SLC29A4: variants seen among roughly 807,000 people sequenced by gnomAD.
SLC29A4 encodes solute carrier family 29 member 4, also known as equilibrative nucleoside transporter 4.
SLC29A4 carries 36 observed loss-of-function variants against 43.9 expected under a neutral mutation model. The observed-to-expected ratio is 0.82, with a 90% confidence interval of 0.63 to 1.08. SLC29A4 has a LOEUF of 1.08. Ranked by LOEUF, SLC29A4 falls within the 50% of genes least tolerant of loss-of-function variation. The pLI is 0.00. For missense variants in SLC29A4, 869 were observed against 755.3 expected (o/e 1.15, Z -1.77); for synonymous variants, 491 against 338.0 (o/e 1.45, Z -4.97).
chr7:5,289,916 C>T (rs1207323986), intron 2 of SLC29A4, among the ~76,000 whole-genome samples: 2 of 152,122 alleles, frequency 1.3e-5, no homozygotes, highest in South Asian at 2.1e-4. Flanking sequence ...AAAACAGTCT[C>T]GTGCTCTTGC....
At chr7:5,292,003 G>A (rs972848923) in intron 5 of SLC29A4, among the ~76,000 whole-genome samples, 182 bp downstream of exon 5, 2 of 152,252 alleles carry the variant, frequency 1.3e-5, no homozygotes, top group African/African-American at 2.4e-5. Flanking sequence ...CCTGTGTAGT[G>A]TGTCTGCAGT....
At chr7:5,292,919 G>A (rs1297469218) in intron 5 of SLC29A4, among the ~76,000 whole-genome samples, 7 of 151,130 alleles carry the variant, frequency 4.6e-5, no homozygotes, top group East Asian at 3.9e-4. Flanking sequence ...GGCTGATTAC[G>A]AACTCCTGAC....
rs1041894319 is a variant in SLC29A4, at chr7:5,298,070, G to A, written c.882+872G>A. Among the ~76,000 whole-genome samples, 18 of 152,298 alleles carry A rather than the reference G, an allele frequency of 1.2e-4. No individual in the cohort carries two copies. In the South Asian group the frequency reaches 1.7e-3, roughly 14 times the overall value. On this transcript the variant is annotated intron_variant, in intron 7 of 10. Transcript: ENST00000396872. ...CAGGAGTGCCAGGCCATGCAGAGGC[G>A]GGGCGAGGGAGCCATTGGTCCTCGT...
chr7:5,293,138 CTTTGTAGACT>C, intron 5 of SLC29A4, among the ~76,000 whole-genome samples: 1 of 148,982 alleles, frequency 6.7e-6, no homozygotes, highest in South Asian at 2.1e-4. Flanking sequence ...CCAGGCCAGG[CTTTGTAGACT>C]TTCTTTTTTT....
intron 9 of SLC29A4, among the ~76,000 whole-genome samples, chr7:5,300,157 G>A (rs570045119): frequency 3.9e-5 from 6 of 152,214 alleles, no homozygotes; most frequent in South Asian, 2.1e-4. Context: ...GCTTGAGCCC[G>A]GGAGTTTGAG....
At position 5,303,134 on chromosome 7, in the gene SLC29A4, C is replaced by T. The variant is rs1042106292; in HGVS notation, c.*195C>T. 2.3e-5 allele frequency: 15 copies of T among 661,724 alleles called. No homozygotes were observed. Among genetic ancestry groups the T allele is most frequent in the African/African-American group, 3.6e-5 (2 of 54,796 alleles). 41.0% of individuals were successfully genotyped at this position (661,724 alleles called of 1,614,324 possible). On this transcript the variant is annotated 3_prime_UTR_variant, in exon 11 of 11. Transcript: ENST00000396872. ...GCAAAGTCCTCCGAGGACCGGAACACGTTTCTGCGACCCGGGGCTCTGGCC... is the reference window on the plus strand; with the variant it reads ...GCAAAGTCCTCCGAGGACCGGAACATGTTTCTGCGACCCGGGGCTCTGGCC...
chr7:5,306,182 G>A lies in SLC29A4; in HGVS notation c.*3243G>A, dbSNP rs375249484. ...TTTTAATTTTTTCTCATGTAAATTT[G>A]TTCAATTTCTTTTTTTTTTTTTTTT... On this transcript the variant is annotated 3_prime_UTR_variant, in exon 11 of 11. Transcript: ENST00000396872. The A allele has an allele frequency of 2.7e-5, 3 of 112,818 alleles. No homozygotes were observed. Among genetic ancestry groups the A allele is most frequent in the Admixed American group, 9.4e-5 (1 of 10,676 alleles). 7.0% of individuals were successfully genotyped at this position (112,818 alleles called of 1,614,324 possible).
intron 7 of SLC29A4, 27 bp downstream of exon 7, chr7:5,297,225 C>G (rs1454545268): frequency 3.1e-6 from 1 of 320,916 alleles, no homozygotes; most frequent in African/African-American, 9.5e-5. Flanking sequence ...CACCTCTGTT[C>G]CCTTCTCTGT....
chr7:5,287,430 A>AC (rs113621417), intron 1 of SLC29A4, among the ~76,000 whole-genome samples: 12 of 150,860 alleles, frequency 8.0e-5, no homozygotes, highest in African/African-American at 3.0e-4. Context: ...AAAAAAAAAA[A>AC]AAGAAAAAAA....
At chr7:5,297,291 C>A (rs1191243491) in intron 7 of SLC29A4, 93 bp downstream of exon 7, 9 of 1,378,376 alleles carry the variant, frequency 6.5e-6, no homozygotes, top group Non-Finnish European at 8.6e-6. Flanking sequence ...AGCCTCTCAC[C>A]TGCATCCCAG....
rs1455085820 is a variant in SLC29A4 at position 5,290,871 on chromosome 7, C to T, written c.301+8C>T. The T allele has an allele frequency of 2.5e-6, 4 of 1,605,102 alleles. No individual in the cohort carries two copies. The highest frequency in any genetic ancestry group is 1.3e-5 in the African/African-American group (1 of 74,802). On this transcript the variant is annotated splice_region_variant and intron_variant, in intron 3 of 10. Transcript: ENST00000396872. ...TGCATCACAAGTACCCAGGTGGGTC[C>T]CTCCACGGTCACGCCCAGCCACTCA...
At chr7:5,296,804 G>A (rs1420821686) in intron 6 of SLC29A4, 132 bp from the exon 7 acceptor site, 1 of 1,049,534 alleles carries the variant, frequency 9.5e-7, no homozygotes. Context: ...GGGGCCTGTG[G>A]GTGGGGGCAG....
chr7:5,300,645 A>C lies in SLC29A4; in HGVS notation c.1433A>C (p.Lys478Thr), dbSNP rs762088939. The C allele has an allele frequency of 3.1e-6, 5 of 1,608,850 alleles. No homozygotes were observed. Among genetic ancestry groups the C allele is most frequent in the South Asian group, 1.1e-5 (1 of 90,804 alleles). Residue 478 changes from lysine to threonine, a missense_variant, in exon 10 of 11, where the codon AAG becomes ACG. Coordinates refer to ENST00000396872, the MANE Select transcript of SLC29A4 (RefSeq NM_153247.4). ...CTGGCGGCAGGCAAAGTGAGCCCCA[A>C]GCAGCGGGAGCTGGCAGGTGAGGCC... Reference protein sequence around the residue: ...MILAAGKVSPKQRELAGNTMT... With the variant: ...MILAAGKVSPTQRELAGNTMT...
chr7:5,283,218 G>C (rs1337063832), intron 1 of SLC29A4, 136 bp downstream of exon 1: 4 of 96,254 alleles, frequency 4.2e-5, no homozygotes, highest in African/African-American at 7.8e-5. Context: ...CCCCTGTCCC[G>C]GGAACCCGAG....
At position 5,296,003 on chromosome 7, in the gene SLC29A4, G is replaced by C. The variant is rs1034767129; in HGVS notation, c.620-933G>C. On this transcript the variant is annotated intron_variant, in intron 6 of 10. Transcript: ENST00000396872. The stretch of plus-strand genomic sequence containing the variant: ...ACTGGGCAGTGGCGCATGGTCACGC[G>C]AAGAAAAAACCCACAGCCTGCCCAC... 6.6e-5 allele frequency among the ~76,000 whole-genome samples: 10 copies of C among 152,018 alleles called. No homozygotes were observed. In the South Asian group the frequency reaches 1.2e-3, roughly 19 times the overall value.
At chr7:5,299,171 CAG>C in intron 8 of SLC29A4, 45 bp downstream of exon 8, 2 of 1,599,174 alleles carry the variant, frequency 1.3e-6, no homozygotes, top group Non-Finnish European at 8.5e-7. Context: ...GGCACCCAGG[CAG>C]GGGGTGGGGG....
At chr7:5,301,570 A>G (rs1390029618) in intron 10 of SLC29A4, among the ~76,000 whole-genome samples, 3 of 152,124 alleles carry the variant, frequency 2.0e-5, no homozygotes, top group African/African-American at 4.8e-5. Context: ...ACGGGGTTTG[A>G]TGGTTGATAA....
intron 7 of SLC29A4, among the ~76,000 whole-genome samples, chr7:5,297,981 T>C (rs1229658805): frequency 6.6e-6 from 1 of 152,106 alleles, no homozygotes; most frequent in Non-Finnish European, 1.5e-5. Flanking sequence ...GCAGCAGCAC[T>C]GCACAGCCCC....
chr7:5,299,156 GCT>G lies in SLC29A4; in HGVS notation c.1021+33_1021+34del. 2 of 1,601,620 alleles carry G rather than the reference GCT, an allele frequency of 1.2e-6. 1 individual carries two copies. The highest frequency in any genetic ancestry group is 3.3e-4 in the Middle Eastern group (2 of 5,998). ...GTGCGGGGAGTCCTCTGCTGCCCTG[GCT>G]CTGGCACCCAGGCAGGGGGTGGGGG... On this transcript the variant is annotated intron_variant, in intron 8 of 10. Transcript: ENST00000396872.
Sources: allele counts gnomAD v4.1 joint callset (sites outside exome capture counted in the v4.1 genomes callset), GRCh38; gene constraint gnomAD v4.1.1; transcripts MANE v1.5; gene names NCBI Gene and HGNC (gene_info 2026-07-23, HGNC 2026-07-21).